RLF: variants seen among roughly 807,000 people sequenced by gnomAD.
RLF encodes zinc finger protein Rlf.
In RLF, 7 loss-of-function variants were observed where a neutral mutation model predicts 162.9. The ratio of observed to expected loss-of-function variants is 0.04; its 90% confidence interval spans 0.02 to 0.08. The LOEUF (loss-of-function observed/expected upper bound fraction) is 0.08. Ranked by LOEUF, RLF falls within the 10% of genes least tolerant of loss-of-function variation. The pLI, the probability that RLF is intolerant of heterozygous loss-of-function variation, is 1.00. For synonymous variants in RLF, 782 were observed against 791.5 expected, an observed-to-expected ratio of 0.99 and a Z score of 0.20; for missense variants, 1,664 against 2,244.7, an observed-to-expected ratio of 0.74 and a Z score of 5.23.
At chr1:40,231,309 A>G (rs570695259) in intron 6 of RLF, among the ~76,000 whole-genome samples, 3 of 152,308 alleles carry the variant, frequency 2.0e-5, no homozygotes, top group East Asian at 1.9e-4. Context: ...CCCCCTAAAC[A>G]CAAGAGAGAA....
At chr1:40,217,238 G>A (rs968517492) in intron 5 of RLF, among the ~76,000 whole-genome samples, 1 of 152,238 alleles carries the variant, frequency 6.6e-6, no homozygotes, top group African/African-American at 2.4e-5. Context: ...GGCTTAGGTT[G>A]GGGGAACATT....
At chr1:40,185,726 G>T (rs1163846695) in intron 1 of RLF, among the ~76,000 whole-genome samples, 1 of 145,550 alleles carries the variant, frequency 6.9e-6, no homozygotes, top group East Asian at 2.0e-4. Context: ...TACTTGGGAG[G>T]CTGAGGCAGG....
At chr1:40,194,493 A>T (rs1642602481) in intron 3 of RLF, among the ~76,000 whole-genome samples, 1 of 151,944 alleles carries the variant, frequency 6.6e-6, no homozygotes, top group Non-Finnish European at 1.5e-5. Flanking sequence ...TACAAAAATT[A>T]GCCAGGCGTG....
intron 1 of RLF, among the ~76,000 whole-genome samples, chr1:40,188,207 A>G (rs1010216307): frequency 6.6e-6 from 1 of 152,242 alleles, no homozygotes; most frequent in African/African-American, 2.4e-5. Context: ...AGAGTCCCCA[A>G]ACATGAATTT....
At position 40,239,446 on chromosome 1, in the gene RLF, G is replaced by A; in HGVS notation, c.4744G>A (p.Glu1582Lys). The change falls in exon 8 of 8, where the codon GAG becomes AAG. Residue 1582 changes from glutamate to lysine, a missense_variant. This residue lies in a region of RLF where 327 missense variants were observed against 342.7 expected (regional missense o/e 0.95). Transcript: ENST00000372771. Reference sequence around the variant, plus strand: ...TCATCAGATGAGTAGTGCCTATTTAGAGCAACAGATGGAGAATCTTGTTGT... The same window carrying A: ...TCATCAGATGAGTAGTGCCTATTTAAAGCAACAGATGGAGAATCTTGTTGT... ...RTHQMSSAYL[E>K]QQMENLVVCV... The A allele has an allele frequency of 6.2e-7, 1 of 1,613,952 alleles. No individual in the cohort carries two copies. Among genetic ancestry groups the A allele is most frequent in the Non-Finnish European group, 8.5e-7 (1 of 1,180,024 alleles).
At chr1:40,187,174 AGC>A (rs1642493853) in intron 1 of RLF, among the ~76,000 whole-genome samples, 2 of 151,356 alleles carry the variant, frequency 1.3e-5, no homozygotes, top group African/African-American at 4.9e-5. Flanking sequence ...TGGGACTACA[AGC>A]GCGCGCCACC....
intron 1 of RLF, among the ~76,000 whole-genome samples, chr1:40,164,271 G>T (rs994214836): frequency 6.6e-6 from 1 of 152,116 alleles, no homozygotes; most frequent in Admixed American, 6.6e-5. Flanking sequence ...AATCCCTTTT[G>T]CAACATCCTG....
chr1:40,213,585 T>C (rs568906054), intron 5 of RLF, among the ~76,000 whole-genome samples: 3 of 152,332 alleles, frequency 2.0e-5, no homozygotes, highest in South Asian at 4.1e-4. Flanking sequence ...CCCAAAGATA[T>C]CTAGGGTTAC....
chr1:40,203,962 C>G (rs1642754564), intron 5 of RLF, among the ~76,000 whole-genome samples: 1 of 151,868 alleles, frequency 6.6e-6, no homozygotes, highest in African/African-American at 2.4e-5. Flanking sequence ...TATGTATTCA[C>G]TTCCCTATTT....
At chr1:40,174,530 AT>A (rs1642290443) in intron 1 of RLF, among the ~76,000 whole-genome samples, 1 of 152,204 alleles carries the variant, frequency 6.6e-6, no homozygotes, top group African/African-American at 2.4e-5. Context: ...ATATAACTCT[AT>A]TGAAAAATGT....
intron 1 of RLF, among the ~76,000 whole-genome samples, chr1:40,170,940 G>GTTA (rs1395584663): frequency 6.6e-6 from 1 of 152,098 alleles, no homozygotes; most frequent in African/African-American, 2.4e-5. Context: ...GAGTGCTATT[G>GTTA]TTATTATTAT....
intron 5 of RLF, among the ~76,000 whole-genome samples, chr1:40,218,312 G>A (rs1414847147): frequency 1.3e-5 from 2 of 152,088 alleles, no homozygotes; most frequent in Non-Finnish European, 2.9e-5. Flanking sequence ...GCCTCATTGG[G>A]GCTTGACAAG....
At position 40,222,783 on chromosome 1, in the gene RLF, A is replaced by T. The variant is rs1291897271; in HGVS notation, c.947+73A>T. The T allele has an allele frequency of 2.2e-6, 3 of 1,355,952 alleles. No individual in the cohort carries two copies. In the African/African-American group the frequency reaches 4.4e-5, roughly 20 times the overall value. The allele number at this position is 1,355,952 out of a possible 1,614,324, so 84.0% of individuals were successfully genotyped here. A position where few individuals can be genotyped will look rare whatever the true frequency, so the allele number is the denominator to read the frequency against. On this transcript the variant is annotated intron_variant, in intron 6 of 7. Coordinates refer to ENST00000372771, the MANE Select transcript of RLF (RefSeq NM_012421.4). ...GCATTTAGGGTTTATGTAAAATGTT[A>T]ATTTGTTTCTAATTTAAAACCTAGC...
In RLF at chr1:40,189,061, T is replaced by C. The variant is rs376460132; in HGVS notation, c.244T>C (p.Leu82=). The change falls in exon 2 of 8, where the codon TTG becomes CTG. Residue 82 remains leucine (L), a synonymous_variant. Coordinates refer to ENST00000372771, the MANE Select transcript of RLF (RefSeq NM_012421.4). ...TTTTAATTTTATTTTGTAGACCTTATTGCAATATGCAAGCAACAAGAATGC... is the reference window on the plus strand; with the variant it reads ...TTTTAATTTTATTTTGTAGACCTTACTGCAATATGCAAGCAACAAGAATGC... ...NYCRSFCQTL[L]QYASNKNASE... 1.1e-4 allele frequency: 172 copies of C among 1,579,198 alleles called. No individual in the cohort carries two copies. Among genetic ancestry groups the C allele is most frequent in the Admixed American group, 2.0e-4 (11 of 56,338 alleles).
At position 40,239,431 on chromosome 1, in the gene RLF, A is replaced by C; in HGVS notation, c.4729A>C (p.Ser1577Arg). The change falls in exon 8 of 8, where the codon AGT (serine) becomes CGT (arginine). Residue 1577 changes from serine to arginine, a missense_variant. Ser to Arg is a moderately radical substitution (Grantham distance 110). Coordinates refer to ENST00000372771, the MANE Select transcript of RLF (RefSeq NM_012421.4). ...GCATTACAAACGCACTCATCAGATG[A>C]GTAGTGCCTATTTAGAGCAACAGAT... ...VRHYKRTHQM[S>R]SAYLEQQMEN... 1 of 1,614,020 alleles carries C rather than the reference A, an allele frequency of 6.2e-7. No homozygotes were observed. Among genetic ancestry groups the C allele is most frequent in the South Asian group, 1.1e-5 (1 of 91,086 alleles).
intron 5 of RLF, among the ~76,000 whole-genome samples, chr1:40,202,893 T>G (rs1642737559): frequency 6.6e-6 from 1 of 152,212 alleles, no homozygotes; most frequent in Non-Finnish European, 1.5e-5. Context: ...AGTTGTTTTT[T>G]CTTTTTAAAG....
intron 1 of RLF, among the ~76,000 whole-genome samples, chr1:40,179,801 A>C (rs1043151410): frequency 6.6e-6 from 1 of 152,040 alleles, no homozygotes; most frequent in African/African-American, 2.4e-5. Flanking sequence ...ATCTGTCTCT[A>C]TGAATTTGAC....
At chr1:40,182,997 A>G (rs978945005) in intron 1 of RLF, among the ~76,000 whole-genome samples, 1 of 151,398 alleles carries the variant, frequency 6.6e-6, no homozygotes, top group Admixed American at 6.6e-5. Flanking sequence ...TTGATGGCAA[A>G]CCTCCATCAA....
chr1:40,196,938 A>G (rs1642646159), intron 4 of RLF, among the ~76,000 whole-genome samples: 1 of 152,270 alleles, frequency 6.6e-6, no homozygotes, highest in Non-Finnish European at 1.5e-5. Flanking sequence ...ACGTCAAGTT[A>G]GTGGAAAGTT....
Sources: allele counts gnomAD v4.1 joint callset (sites outside exome capture counted in the v4.1 genomes callset), GRCh38; gene constraint gnomAD v4.1.1; regional missense constraint gnomAD v4.1.1; transcripts MANE v1.5; gene names NCBI Gene and HGNC (gene_info 2026-07-23, HGNC 2026-07-21).